Variants in RNF146 observed in about 807,000 individuals in gnomAD.
RNF146 encodes the protein E3 ubiquitin-protein ligase RNF146.
In RNF146, 11 loss-of-function variants were observed where a neutral mutation model predicts 29.7. The observed-to-expected ratio is 0.37, with a 90% CI of 0.23 to 0.61. The LOEUF (loss-of-function observed/expected upper bound fraction) is 0.61. Ranked by LOEUF, RNF146 falls within the 20% of genes least tolerant of loss-of-function variation. The pLI is 0.66. For missense variants in RNF146, 342 were observed against 438.9 expected (o/e 0.78, Z 1.97); for synonymous variants, 150 against 159.7 (o/e 0.94, Z 0.46).
At chr6:127,273,223 A>C (rs1020731584) in intron 1 of RNF146, among the ~76,000 whole-genome samples, 3 of 152,234 alleles carry the variant, frequency 2.0e-5, no homozygotes, top group African/African-American at 7.2e-5. Flanking sequence ...AGAGATGATT[A>C]GTGTCCACAG....
intron 1 of RNF146, among the ~76,000 whole-genome samples, chr6:127,279,539 C>G (rs1440759278): frequency 6.7e-6 from 1 of 149,014 alleles, no homozygotes; most frequent in East Asian, 1.9e-4. Flanking sequence ...TAAGTTTTGA[C>G]ATTGGATTTT....
chr6:127,273,885 T>C (rs1777835907), intron 1 of RNF146, among the ~76,000 whole-genome samples: 1 of 152,162 alleles, frequency 6.6e-6, no homozygotes, highest in Admixed American at 6.5e-5. Flanking sequence ...ATTCTTTTGT[T>C]TACTGCTGAA....
At chr6:127,267,919 A>C (rs1178117607) in intron 1 of RNF146, among the ~76,000 whole-genome samples, 1 of 152,190 alleles carries the variant, frequency 6.6e-6, no homozygotes, top group Non-Finnish European at 1.5e-5. Context: ...TTGTTTTAAG[A>C]GTGGAGACGG....
chr6:127,281,432 A>G (rs1778904794), intron 2 of RNF146, among the ~76,000 whole-genome samples: 1 of 151,746 alleles, frequency 6.6e-6, no homozygotes, highest in South Asian at 2.1e-4. Context: ...TAAGGTAACA[A>G]TCAGATGCTA....
intron 2 of RNF146, chr6:127,282,457 G>T (rs995839716): frequency 1.3e-5 from 2 of 151,632 alleles, no homozygotes; most frequent in Non-Finnish European, 3.0e-5. Flanking sequence ...AGTAAATTCA[G>T]CTGTCATCTA....
chr6:127,285,507 A>G (rs373289751), intron 2 of RNF146, among the ~76,000 whole-genome samples: 5 of 115,588 alleles, frequency 4.3e-5, no homozygotes, highest in African/African-American at 1.6e-4. Flanking sequence ...TTACTCCATT[A>G]TTTTCTCCCC....
chr6:127,269,998 A>G (rs1048834865), intron 1 of RNF146, among the ~76,000 whole-genome samples: 7 of 152,038 alleles, frequency 4.6e-5, no homozygotes, highest in African/African-American at 1.7e-4. Context: ...CTTTGTTTTT[A>G]TATGTATTTA....
Position 127,286,405 on chromosome 6 carries a change from A to G in RNF146, c.3-211A>G. On this transcript the variant is annotated intron_variant, in intron 2 of 2. Coordinates refer to ENST00000368314, the MANE Select transcript of RNF146 (RefSeq NM_001242850.2). This position sits in a 1 kb window ranked among gnomAD's most constrained non-coding sequence, Gnocchi z 4.6. ...TGTTAAGTGCACTGATGGAATTTTT[A>G]TACATTCCCAAGGTATGTACAAGTA... is the stretch of plus-strand genomic sequence containing the variant. 2 of 645,840 alleles carry G rather than the reference A, an allele frequency of 3.1e-6. No homozygotes were observed. Among genetic ancestry groups the G allele is most frequent in the Middle Eastern group, 4.3e-4 (1 of 2,326 alleles). 40.0% of individuals were successfully genotyped at this position (645,840 alleles called of 1,614,324 possible).
rs138591556 is a variant in RNF146 at position 127,285,818 on chromosome 6, C to T, written c.3-798C>T. ...TAAGTATGTTAACACATTTTGATTA[C>T]GCAGGAATCAGGCCATATTGTAATT... On this transcript the variant is annotated intron_variant, in intron 2 of 2. Transcript: ENST00000368314. Among the ~76,000 whole-genome samples, 41 of 151,966 alleles carry T rather than the reference C, an allele frequency of 2.7e-4. No individual in the cohort carries two copies. The East Asian group carries it at 5.8e-3, about 22-fold the overall frequency.
Position 127,286,973 on chromosome 6 carries a change from C to T in RNF146, c.360C>T (p.Arg120=). The T allele has an allele frequency of 1.2e-6, 2 of 1,613,264 alleles. No homozygotes were observed. The highest frequency in any genetic ancestry group is 1.1e-5 in the South Asian group (1 of 91,060). The change falls in exon 3 of 3, where the codon CGC becomes CGT. Residue 120 remains arginine, a synonymous_variant. Transcript: ENST00000368314. The surrounding 1 kb of genome is among the most constrained non-coding windows in gnomAD (Gnocchi z 4.6). ...GRNGWWQYDE[R]TSRELEDAFS... The stretch of plus-strand genomic sequence containing the variant: ...ATGGGTGGTGGCAGTACGATGAGCG[C>T]ACTAGTAGAGAGCTGGAAGATGCTT...
Position 127,271,555 on chromosome 6 carries a change from AAGACATTCT to A in RNF146, c.-109+4635_-109+4643del, listed in dbSNP as rs1203687906. On this transcript the variant is annotated intron_variant, in intron 1 of 2. Coordinates refer to ENST00000368314, the MANE Select transcript of RNF146 (RefSeq NM_001242850.2). ...TTTGTATTTAACAAGATTAATATGC[AAGACATTCT>A]AGACCAGCATTGCCCAGTAAAGTAG... Among the ~76,000 whole-genome samples the A allele has an allele frequency of 3.3e-5, 5 of 152,202 alleles. No homozygotes were observed. The East Asian group carries it at 9.6e-4, about 29-fold the overall frequency.
intron 1 of RNF146, among the ~76,000 whole-genome samples, chr6:127,269,890 T>C (rs1160695983): frequency 1.3e-5 from 2 of 152,188 alleles, no homozygotes; most frequent in Non-Finnish European, 2.9e-5. Context: ...TTTACTGTTT[T>C]GTGTATTTTG....
In RNF146 at chr6:127,286,353, C is replaced by A. The variant is rs1213917359; in HGVS notation, c.3-263C>A. On this transcript the variant is annotated intron_variant, in intron 2 of 2. Coordinates refer to ENST00000368314, the MANE Select transcript of RNF146 (RefSeq NM_001242850.2). This position sits in a 1 kb window ranked among gnomAD's most constrained non-coding sequence, Gnocchi z 4.6. Reference sequence around the variant, plus strand: ...GGATGCAGCTTTTCATTATATAGTTCTTCAGTGTGTTTCTCCAGGGCTGAT... The same window carrying A: ...GGATGCAGCTTTTCATTATATAGTTATTCAGTGTGTTTCTCCAGGGCTGAT... 2 of 586,194 alleles carry A rather than the reference C, an allele frequency of 3.4e-6. No individual in the cohort carries two copies. Among genetic ancestry groups the A allele is most frequent in the African/African-American group, 1.9e-5 (1 of 51,668 alleles). 36.3% of individuals were successfully genotyped at this position (586,194 alleles called of 1,614,324 possible). A position where few individuals can be genotyped will look rare whatever the true frequency, so the allele number is the denominator to read the frequency against.
In RNF146 at chr6:127,280,340, TG is replaced by T; in HGVS notation, c.2+1del. On this transcript the variant is annotated splice_donor_variant, in intron 2 of 2. Coordinates refer to ENST00000368314, the MANE Select transcript of RNF146 (RefSeq NM_001242850.2). LOFTEE classifies it high-confidence loss of function. ...GCATCTGTGGGATCTGTAATAGAAA[TG>T]TAAGTGTAGCATCATGGTTTTTTTC... 1 of 1,547,322 alleles carries T rather than the reference TG, an allele frequency of 6.5e-7. No individual in the cohort carries two copies. Among genetic ancestry groups the T allele is most frequent in the Non-Finnish European group, 8.7e-7 (1 of 1,144,766 alleles).
Position 127,287,276 on chromosome 6 carries a change from C to T in RNF146, c.663C>T (p.Pro221=). The T allele has an allele frequency of 6.2e-7, 1 of 1,613,390 alleles. No individual in the cohort carries two copies. Among genetic ancestry groups the T allele is most frequent in the South Asian group, 1.1e-5 (1 of 91,058 alleles). The part of the protein sequence containing the change: ...SVQPLVSSVR[P]LTSVDGQLTS... ...AGCCCCTAGTGTCTTCTGTAAGGCCCCTAACATCAGTAGATGGTCAGTTAA... is the reference window on the plus strand; with the variant it reads ...AGCCCCTAGTGTCTTCTGTAAGGCCTCTAACATCAGTAGATGGTCAGTTAA... The change falls in exon 3 of 3, where the codon CCC becomes CCT. Residue 221 remains proline, a synonymous_variant. Coordinates refer to ENST00000368314, the MANE Select transcript of RNF146 (RefSeq NM_001242850.2).
At chr6:127,285,246 C>G in intron 2 of RNF146, 1 of 984,450 alleles carries the variant, frequency 1.0e-6, no homozygotes, top group Non-Finnish European at 1.2e-6. Flanking sequence ...ATTGAGGAAC[C>G]AAGAACACAG....
At chr6:127,275,030 T>A (rs951671745) in intron 1 of RNF146, among the ~76,000 whole-genome samples, 4 of 152,144 alleles carry the variant, frequency 2.6e-5, no homozygotes, top group African/African-American at 7.2e-5. Flanking sequence ...GGGTAGAATG[T>A]CTGTATAATT....
rs1406555522 is a variant in RNF146 at position 127,287,966 on chromosome 6, G to A, written c.*273G>A. 1 of 262,516 alleles carries A rather than the reference G, an allele frequency of 3.8e-6. No individual in the cohort carries two copies. The highest frequency in any genetic ancestry group is 2.3e-5 in the African/African-American group (1 of 44,396). The allele number at this position is 262,516 out of a possible 1,614,324, so 16.3% of individuals were successfully genotyped here. ...TTTATACTTTTTAAAAACTTCTGTA[G>A]TTCTTTTGGCCAGTGTGTTTGTATT... is the stretch of plus-strand genomic sequence containing the variant. On this transcript the variant is annotated 3_prime_UTR_variant, in exon 3 of 3. Transcript: ENST00000368314.
At position 127,280,328 on chromosome 6, in the gene RNF146, C is replaced by A; in HGVS notation, c.-11C>A. On this transcript the variant is annotated 5_prime_UTR_variant, in exon 2 of 3. It adds an upstream start codon to the 5' untranslated region. Coordinates refer to ENST00000368314, the MANE Select transcript of RNF146 (RefSeq NM_001242850.2). ...TTTTTGTGGCAGGCATCTGTGGGAT[C>A]TGTAATAGAAATGTAAGTGTAGCAT... 6.5e-7 allele frequency: 1 copy of A among 1,546,870 alleles called. No homozygotes were observed. Among genetic ancestry groups the A allele is most frequent in the Non-Finnish European group, 8.7e-7 (1 of 1,144,540 alleles).
Sources: allele counts gnomAD v4.1 joint callset (sites outside exome capture counted in the v4.1 genomes callset), GRCh38; gene constraint gnomAD v4.1.1; non-coding constraint Gnocchi (gnomAD v3.1); transcripts MANE v1.5; gene names NCBI Gene and HGNC (gene_info 2026-07-23, HGNC 2026-07-21).